Variants in TMTC2 observed in about 807,000 individuals in gnomAD.
TMTC2 encodes the protein transmembrane O-mannosyltransferase targeting cadherins 2, also known as protein O-mannosyl-transferase TMTC2.
A neutral mutation model predicts 82.4 loss-of-function variants in TMTC2; 43 were observed. The ratio of observed to expected loss-of-function variants is 0.52; its 90% CI spans 0.41 to 0.67. The LOEUF (loss-of-function observed/expected upper bound fraction) is 0.67, where lower values mean the gene tolerates loss of function less well. Among genes scored for constraint, TMTC2 ranks in the 30% least tolerant of loss-of-function variants. The pLI is 0.00. For missense variants in TMTC2, 919 were observed against 1,012.4 expected (o/e 0.91, Z 1.25); for synonymous variants, 408 against 381.9 (o/e 1.07, Z -0.80).
intron 1 of TMTC2, among the ~76,000 whole-genome samples, chr12:82,698,199 A>G (rs1038274827): frequency 1.3e-5 from 2 of 152,206 alleles, no homozygotes; most frequent in African/African-American, 4.8e-5. Flanking sequence ...AAAATGAGTT[A>G]TACTTTTTCC....
At position 82,687,535 on chromosome 12, in the gene TMTC2, G is replaced by A. The variant is rs904775807; in HGVS notation, c.-52G>A. 1.8e-5 allele frequency: 27 copies of A among 1,540,456 alleles called. No homozygotes were observed. Among genetic ancestry groups the A allele is most frequent in the Non-Finnish European group, 2.3e-5 (26 of 1,133,766 alleles). On this transcript the variant is annotated 5_prime_UTR_variant, in exon 1 of 12. Transcript: ENST00000321196. ...GAGATTGATGCTTCTGTTTTTTGTT[G>A]CCGCTGCTGCCCTCGCGCTGGGAGC...
chr12:82,703,644 G>A (rs1035111694), intron 1 of TMTC2, among the ~76,000 whole-genome samples: 8 of 151,940 alleles, frequency 5.3e-5, no homozygotes, highest in East Asian at 1.9e-4. Context: ...GACTACAGGC[G>A]TCCGCCACCG....
At chr12:83,103,984 A>G (rs1001899370) in intron 11 of TMTC2, among the ~76,000 whole-genome samples, 2 of 152,264 alleles carry the variant, frequency 1.3e-5, no homozygotes, top group Non-Finnish European at 2.9e-5. Flanking sequence ...ACTCAGTCAA[A>G]TGAAAGGGAC....
intron 1 of TMTC2, among the ~76,000 whole-genome samples, chr12:82,776,835 G>A (rs1877628746): frequency 6.6e-6 from 1 of 152,088 alleles, no homozygotes; most frequent in Non-Finnish European, 1.5e-5. Context: ...CTACATGGGA[G>A]AATAAACTGG....
At chr12:82,936,182 C>T (rs1402463579) in intron 4 of TMTC2, among the ~76,000 whole-genome samples, 1 of 151,956 alleles carries the variant, frequency 6.6e-6, no homozygotes, top group Admixed American at 6.6e-5. Context: ...AAAAGATGGG[C>T]AATCTCAATC....
intron 8 of TMTC2, among the ~76,000 whole-genome samples, chr12:83,010,833 T>C: frequency 1.1e-4 from 1 of 9,402 alleles, no homozygotes; most frequent in Non-Finnish European, 5.5e-4. Flanking sequence ...GTTTTATTAT[T>C]TATTTATTTA....
intron 1 of TMTC2, among the ~76,000 whole-genome samples, chr12:82,694,842 C>T (rs376332917): frequency 3.3e-5 from 5 of 150,832 alleles, no homozygotes; most frequent in East Asian, 1.9e-4. Flanking sequence ...AATTAGGAAA[C>T]GGTATAAAAA....
chr12:83,098,527 T>C (rs1884106804), intron 11 of TMTC2, among the ~76,000 whole-genome samples: 1 of 152,232 alleles, frequency 6.6e-6, no homozygotes, highest in African/African-American at 2.4e-5. Flanking sequence ...TCACAAAAGC[T>C]GTATCTTTCC....
chr12:82,850,932 C>T (rs1300630100), intron 1 of TMTC2, among the ~76,000 whole-genome samples: 5 of 151,332 alleles, frequency 3.3e-5, no homozygotes, highest in South Asian at 2.1e-4. Context: ...GGCGTGGTGG[C>T]GTGCTCCTGT....
At chr12:83,110,386 T>A (rs74518760) in intron 11 of TMTC2, among the ~76,000 whole-genome samples, 5,528 of 152,216 alleles carry the variant, frequency 0.036, 165 homozygotes, top group Non-Finnish European at 0.054. Flanking sequence ...TCTACTAAAA[T>A]TGAAAAGCAA....
chr12:82,865,083 G>T (rs1255144973), intron 2 of TMTC2, among the ~76,000 whole-genome samples: 2 of 150,814 alleles, frequency 1.3e-5, no homozygotes, highest in Non-Finnish European at 2.9e-5. Context: ...AAATAGCTGG[G>T]CAAGGTGGAG....
chr12:82,810,290 A>T (rs956867204), intron 1 of TMTC2, among the ~76,000 whole-genome samples: 74 of 151,616 alleles, frequency 4.9e-4, no homozygotes, highest in African/African-American at 1.8e-3. Flanking sequence ...TTTAAAATAT[A>T]GTGGATGAGA....
intron 4 of TMTC2, among the ~76,000 whole-genome samples, chr12:82,957,862 TA>T (rs748280023): frequency 2.6e-5 from 4 of 151,526 alleles, no homozygotes; most frequent in Middle Eastern, 3.4e-3. Context: ...AGTCAGTAAT[TA>T]AAAAAAAGAA....
intron 8 of TMTC2, among the ~76,000 whole-genome samples, chr12:83,013,372 C>A (rs747502791): frequency 1.3e-5 from 2 of 152,118 alleles, no homozygotes; most frequent in Non-Finnish European, 2.9e-5. Context: ...AGTGGCCCTT[C>A]TTTAGGCACA....
At chr12:82,914,431 A>C (rs1874875299) in intron 3 of TMTC2, among the ~76,000 whole-genome samples, 1 of 152,170 alleles carries the variant, frequency 6.6e-6, no homozygotes, top group African/African-American at 2.4e-5. Flanking sequence ...AACACATGGA[A>C]TATTCTCCCT....
At chr12:83,021,507 G>T (rs1429675669) in intron 8 of TMTC2, among the ~76,000 whole-genome samples, 1 of 152,050 alleles carries the variant, frequency 6.6e-6, no homozygotes, top group Non-Finnish European at 1.5e-5. Context: ...AGTCGGGAGG[G>T]TCACTTGAAC....
intron 1 of TMTC2, among the ~76,000 whole-genome samples, chr12:82,754,845 A>G (rs1225074772): frequency 6.6e-6 from 1 of 152,204 alleles, no homozygotes; most frequent in Non-Finnish European, 1.5e-5. Context: ...TGGCCTGGAA[A>G]TTTTTTATAT....
chr12:82,700,732 T>G (rs553926254), intron 1 of TMTC2, among the ~76,000 whole-genome samples: 1 of 152,340 alleles, frequency 6.6e-6, no homozygotes, highest in African/African-American at 2.4e-5. Context: ...ATGATTGACT[T>G]TATGCTTTTA....
At chr12:82,704,146 G>A (rs1464984877) in intron 1 of TMTC2, among the ~76,000 whole-genome samples, 9 of 152,286 alleles carry the variant, frequency 5.9e-5, no homozygotes, top group South Asian at 2.1e-4. Flanking sequence ...ACATTGGACA[G>A]TTTATTCAGA....
Sources: allele counts gnomAD v4.1 joint callset (sites outside exome capture counted in the v4.1 genomes callset), GRCh38; gene constraint gnomAD v4.1.1; transcripts MANE v1.5; gene names NCBI Gene and HGNC (gene_info 2026-07-23, HGNC 2026-07-21).